MYT1L: variants seen among roughly 807,000 people sequenced by gnomAD.
MYT1L encodes the protein myelin transcription factor 1-like protein.
In MYT1L, 12 loss-of-function variants were observed where a neutral mutation model predicts 126.7. The ratio of observed to expected loss-of-function variants is 0.09; its 90% CI spans 0.06 to 0.15. The LOEUF (loss-of-function observed/expected upper bound fraction) is 0.15. Among genes scored for constraint, MYT1L ranks in the 10% least tolerant of loss-of-function variants. The pLI is 1.00. For missense variants in MYT1L, 979 were observed against 1,585.2 expected (o/e 0.62, Z 6.49); for synonymous variants, 541 against 604.2 (o/e 0.90, Z 1.53).
intron 3 of MYT1L, among the ~76,000 whole-genome samples, chr2:2,126,260 C>T (rs1037021043): frequency 6.6e-6 from 1 of 152,186 alleles, no homozygotes; most frequent in African/African-American, 2.4e-5. Context: ...GATGTCCATG[C>T]TCAATAAACA....
chr2:1,895,314 TCAAACTA>T (rs1298386177), intron 14 of MYT1L, among the ~76,000 whole-genome samples: 1 of 152,232 alleles, frequency 6.6e-6, no homozygotes, highest in African/African-American at 2.4e-5. Flanking sequence ...TCTATTCCTA[TCAAACTA>T]CCAACGTAAT....
At chr2:1,937,743 T>A (rs1008261556) in intron 9 of MYT1L, among the ~76,000 whole-genome samples, 1 of 151,916 alleles carries the variant, frequency 6.6e-6, no homozygotes, top group Non-Finnish European at 1.5e-5. Context: ...AGCCATCAGA[T>A]GGCAAGTCGA....
chr2:2,202,579 T>C (rs2093131017), intron 2 of MYT1L, among the ~76,000 whole-genome samples: 1 of 152,082 alleles, frequency 6.6e-6, no homozygotes, highest in African/African-American at 2.4e-5. Context: ...CAGGAAGAAG[T>C]TGAATCTCTG....
intron 2 of MYT1L, among the ~76,000 whole-genome samples, chr2:2,183,897 A>G (rs1376769923): frequency 2.7e-5 from 4 of 146,028 alleles, no homozygotes; most frequent in Admixed American, 1.4e-4. Context: ...ACAAAGGAAG[A>G]AAAAAGGAAG....
intron 14 of MYT1L, among the ~76,000 whole-genome samples, chr2:1,897,355 T>C (rs2049730341): frequency 1.3e-5 from 2 of 152,238 alleles, no homozygotes; most frequent in African/African-American, 4.8e-5. Context: ...TTGAGGGTGC[T>C]CTGTTCCCCC....
intron 1 of MYT1L, among the ~76,000 whole-genome samples, chr2:2,321,088 G>T (rs2096156210): frequency 6.6e-6 from 1 of 152,224 alleles, no homozygotes; most frequent in Admixed American, 6.5e-5. Flanking sequence ...TAATCCTGGG[G>T]TTGTTGAAAA....
intron 8 of MYT1L, among the ~76,000 whole-genome samples, chr2:1,966,782 A>AT (rs2059397637): frequency 6.6e-6 from 1 of 152,014 alleles, no homozygotes; most frequent in African/African-American, 2.4e-5. Context: ...AGTGAAAAAA[A>AT]AAAAGAATAC....
chr2:2,316,977 A>T (rs7578173), intron 1 of MYT1L, among the ~76,000 whole-genome samples: 5,419 of 146,012 alleles, frequency 0.037, 150 homozygotes, highest in African/African-American at 0.076. Context: ...TGCCCAGCCA[A>T]TTTTTTTTTT....
chr2:2,074,545 T>TA (rs1008372262), intron 3 of MYT1L, among the ~76,000 whole-genome samples: 2 of 152,088 alleles, frequency 1.3e-5, no homozygotes, highest in African/African-American at 4.8e-5. Flanking sequence ...TTTGGGGGAT[T>TA]AAAAAAATAC....
intron 19 of MYT1L, among the ~76,000 whole-genome samples, chr2:1,850,142 TCCCTTTCCTTC>T (rs2043039714): frequency 7.2e-6 from 1 of 138,062 alleles, no homozygotes; most frequent in Non-Finnish European, 1.6e-5. Context: ...CCTCCCTCCT[TCCCTTTCCTTC>T]CCCTTCCCTT....
intron 4 of MYT1L, among the ~76,000 whole-genome samples, chr2:2,003,712 G>A (rs899819964): frequency 1.3e-5 from 2 of 152,196 alleles, no homozygotes; most frequent in Admixed American, 6.5e-5. Context: ...GCCCATGGGT[G>A]CTTAGGGCTG....
intron 18 of MYT1L, among the ~76,000 whole-genome samples, chr2:1,866,501 CAGAGAGAGAAGGGG>C (rs2045498759): frequency 1.0e-5 from 1 of 96,938 alleles, no homozygotes; most frequent in South Asian, 3.8e-4. Context: ...GAGAGGCAGG[CAGAGAGAGAAGGGG>C]AGAGAGAGAG....
chr2:2,131,058 G>C (rs548973517), intron 3 of MYT1L, among the ~76,000 whole-genome samples: 1 of 152,230 alleles, frequency 6.6e-6, no homozygotes, highest in African/African-American at 2.4e-5. Flanking sequence ...TCTGTGTTGC[G>C]ATACCTTATG....
At chr2:1,894,643 A>T (rs1456590771) in intron 14 of MYT1L, among the ~76,000 whole-genome samples, 2 of 151,976 alleles carry the variant, frequency 1.3e-5, no homozygotes, top group Non-Finnish European at 2.9e-5. Flanking sequence ...TTTTGTTTTG[A>T]AATGAGGGAA....
chr2:2,213,171 G>C (rs2093581529), intron 2 of MYT1L, among the ~76,000 whole-genome samples: 1 of 152,146 alleles, frequency 6.6e-6, no homozygotes, highest in Non-Finnish European at 1.5e-5. Flanking sequence ...CAAAACAATT[G>C]TTTCAAGACA....
chr2:2,126,931 C>G (rs371317112), intron 3 of MYT1L, among the ~76,000 whole-genome samples: 1 of 152,302 alleles, frequency 6.6e-6, no homozygotes, highest in South Asian at 2.1e-4. Context: ...CAGATGTGTC[C>G]ATGTATTTTA....
intron 3 of MYT1L, among the ~76,000 whole-genome samples, chr2:2,095,796 T>A (rs1181622079): frequency 2.0e-5 from 3 of 152,158 alleles, no homozygotes; most frequent in South Asian, 4.1e-4. Flanking sequence ...CCCTGACCGC[T>A]CACACTCAGC....
intron 18 of MYT1L, among the ~76,000 whole-genome samples, chr2:1,875,476 G>A (rs958699651): frequency 1.3e-5 from 2 of 152,182 alleles, no homozygotes; most frequent in African/African-American, 2.4e-5. Context: ...GATTCCTTAC[G>A]CTCTCTTCAA....
At chr2:2,158,329 T>G (rs990805723) in intron 3 of MYT1L, among the ~76,000 whole-genome samples, 1 of 152,156 alleles carries the variant, frequency 6.6e-6, no homozygotes, top group Non-Finnish European at 1.5e-5. Flanking sequence ...CAAGGAAAGG[T>G]TTGGCAGACT....
Sources: allele counts gnomAD v4.1 joint callset (sites outside exome capture counted in the v4.1 genomes callset), GRCh38; gene constraint gnomAD v4.1.1; transcripts MANE v1.5; gene names NCBI Gene and HGNC (gene_info 2026-07-23, HGNC 2026-07-21).